The following LCT variants were observed in gnomAD, a reference collection of about 807,000 sequenced individuals.
The protein encoded by LCT is lactase.
A neutral mutation model predicts 173.0 loss-of-function variants in LCT; 90 were observed. That is an observed-to-expected ratio of 0.52 (90% confidence interval 0.44 to 0.62). The LOEUF is 0.62. Ranked by LOEUF, LCT falls within the 20% of genes least tolerant of loss-of-function variation. LCT has a pLI of 0.00. For missense variants in LCT, 1,864 were observed against 2,431.4 expected, an observed-to-expected ratio of 0.77 and a Z score of 4.91; for synonymous variants, 853 against 957.6, an observed-to-expected ratio of 0.89 and a Z score of 2.02.
intron 5 of LCT, chr2:135,821,678 CAG>C (rs1218044765): frequency 3.3e-6 from 1 of 303,488 alleles, no homozygotes; most frequent in Non-Finnish European, 6.2e-6. Flanking sequence ...TTTGTAGAGA[CAG>C]AGTTTCACCA....
At chr2:135,814,843 C>T (rs1050669072) in intron 6 of LCT, among the ~76,000 whole-genome samples, 2 of 152,080 alleles carry the variant, frequency 1.3e-5, no homozygotes, top group Non-Finnish European at 2.9e-5. Flanking sequence ...AAATTTTTTC[C>T]TTAATAGTTG....
At chr2:135,824,446 C>G (rs2105549812) in intron 3 of LCT, among the ~76,000 whole-genome samples, 1 of 152,186 alleles carries the variant, frequency 6.6e-6, no homozygotes, top group Admixed American at 6.5e-5. Flanking sequence ...GAGGCTGAGC[C>G]AGGAGGATCG....
intron 9 of LCT, 27 bp downstream of exon 9, chr2:135,807,101 G>C (rs2077682150): frequency 6.2e-7 from 1 of 1,613,422 alleles, no homozygotes; most frequent in Non-Finnish European, 8.5e-7. Context: ...TGCAGTCACT[G>C]GTGTCCCACC....
intron 3 of LCT, among the ~76,000 whole-genome samples, chr2:135,825,782 G>C (rs1392410665): frequency 6.6e-6 from 1 of 152,216 alleles, no homozygotes; most frequent in Admixed American, 6.5e-5. Context: ...GTGGGAATGG[G>C]GGCAGGTGCC....
intron 3 of LCT, among the ~76,000 whole-genome samples, chr2:135,825,597 TG>T (rs200245001): frequency 0.017 from 2,597 of 152,306 alleles, 65 homozygotes; most frequent in African/African-American, 0.059. Context: ...GATAAGTGGA[TG>T]GGGGACCTCC....
chr2:135,823,735 C>T (rs565819814), intron 4 of LCT, among the ~76,000 whole-genome samples, 166 bp downstream of exon 4: 185 of 152,242 alleles, frequency 1.2e-3, no homozygotes, highest in African/African-American at 4.1e-3. Context: ...TGCAAGGGAC[C>T]ATCAGTAGGA....
chr2:135,810,129 G>A (rs2077722627), intron 7 of LCT, 136 bp from the exon 8 acceptor site: 2 of 666,256 alleles, frequency 3.0e-6, no homozygotes, highest in Non-Finnish European at 5.4e-6. Context: ...ACTGACTACA[G>A]GAGTGAGCTA....
chr2:135,790,912 T>G lies in LCT; in HGVS notation c.5112-31A>C. 1 of 1,539,000 alleles carries G rather than the reference T, an allele frequency of 6.5e-7. No homozygotes were observed. Among genetic ancestry groups the G allele is most frequent in the Non-Finnish European group, 9.0e-7 (1 of 1,111,558 alleles). On this transcript the variant is annotated intron_variant, in intron 14 of 16. Transcript: ENST00000264162. The surrounding 1 kb of genome is among the most constrained non-coding windows in gnomAD (Gnocchi z 4.1). ...AGTTCAAAAACTAAAGATGAGGTCTTGTTTTGTAAATCTCAAGAGGCCCTT... is the reference window on the plus strand; with the variant it reads ...AGTTCAAAAACTAAAGATGAGGTCTGGTTTTGTAAATCTCAAGAGGCCCTT...
intron 11 of LCT, 70 bp downstream of exon 11, chr2:135,803,860 T>C: frequency 7.0e-7 from 1 of 1,431,674 alleles, no homozygotes; most frequent in Non-Finnish European, 9.7e-7. Flanking sequence ...CTGTGCCATC[T>C]GGATTTCAAC....
At position 135,836,474 on chromosome 2, in the gene LCT, G is replaced by C. The variant is rs561274075; in HGVS notation, c.640+56C>G. The stretch of plus-strand genomic sequence containing the variant: ...GTCGAATCTGCTCTAAGGAGGATGG[G>C]GAAGGTGTGTGATGAAGGTTGCCGA... On this transcript the variant is annotated intron_variant, in intron 1 of 16. Coordinates refer to ENST00000264162, the MANE Select transcript of LCT (RefSeq NM_002299.4). The C allele has an allele frequency of 8.6e-5, 130 of 1,506,794 alleles. 1 individual carries two copies. The East Asian group carries it at 2.8e-3, about 33-fold the overall frequency. 93.3% of individuals were successfully genotyped at this position (1,506,794 alleles called of 1,614,324 possible).
chr2:135,816,871 AT>A (rs34890037), intron 6 of LCT, among the ~76,000 whole-genome samples: 71,784 of 146,960 alleles, frequency 0.49, 22,043 homozygotes, highest in Non-Finnish European at 0.71. Context: ...GTGATTAACA[AT>A]TTTTTTTTTT....
rs777192391 is a variant in LCT, at chr2:135,788,517, C to G, written c.5591G>C (p.Arg1864Thr). ...CCCCAGGAACTGCACCTCCTCCTGT[C>G]TCACGGGGCTGATGGTGGGTCCAGC... Reference protein sequence around the residue: ...PDAGPTISPVRQEEVQFLGLM... With the variant: ...PDAGPTISPVTQEEVQFLGLM... The change falls in exon 17 of 17, where the codon AGA becomes ACA. Residue 1864 changes from arginine to threonine, a missense_variant. Physicochemically the swap from Arg to Thr is moderately conservative, Grantham distance 71. Coordinates refer to ENST00000264162, the MANE Select transcript of LCT (RefSeq NM_002299.4). The G allele has an allele frequency of 1.2e-6, 2 of 1,612,016 alleles. No individual in the cohort carries two copies. The highest frequency in any genetic ancestry group is 1.7e-6 in the Non-Finnish European group (2 of 1,179,508).
intron 5 of LCT, chr2:135,821,813 A>G: frequency 3.5e-6 from 2 of 569,844 alleles, no homozygotes; most frequent in Non-Finnish European, 3.1e-6. Context: ...GAACTGACAG[A>G]TGAGAAAGCA....
At chr2:135,812,252 T>C in intron 7 of LCT, 59 bp downstream of exon 7, 1 of 1,440,462 alleles carries the variant, frequency 6.9e-7, no homozygotes, top group Non-Finnish European at 9.8e-7. Flanking sequence ...AAACGAAACT[T>C]TGAAGACTTG....
chr2:135,810,449 C>T (rs925610842), intron 7 of LCT, among the ~76,000 whole-genome samples: 3 of 152,100 alleles, frequency 2.0e-5, no homozygotes, highest in Non-Finnish European at 2.9e-5. Context: ...AAAGGAAAAT[C>T]CACAAGATCC....
At chr2:135,813,833 C>T (rs181828045) in intron 6 of LCT, among the ~76,000 whole-genome samples, 28 of 152,298 alleles carry the variant, frequency 1.8e-4, no homozygotes, top group Non-Finnish European at 2.8e-4. Context: ...AATGGAATCT[C>T]GGAAGAAAAA....
At chr2:135,788,575 C>T (rs370070779) in intron 16 of LCT, 31 bp from the exon 17 acceptor site, 96 of 1,386,772 alleles carry the variant, frequency 6.9e-5, no homozygotes, top group Non-Finnish European at 5.8e-5. Flanking sequence ...GTGGTTGGTG[C>T]TCTGGCGCTG....
At chr2:135,821,954 T>G (rs2077836610) in intron 5 of LCT, 66 bp downstream of exon 5, 19 of 958,924 alleles carry the variant, frequency 2.0e-5, no homozygotes, top group Non-Finnish European at 3.3e-5. Context: ...AGATTATACA[T>G]GTAAAAGAAA....
Position 135,800,714 on chromosome 2 carries a change from G to T in LCT, c.4759C>A (p.Arg1587Ser). Residue 1587 changes from arginine (R) to serine (S), a missense_variant, in exon 12 of 17, where the codon CGC becomes AGC. Around this residue, in one of 4 missense-constraint regions of LCT, gnomAD observed 514 missense variants for 750.1 expected, o/e 0.69. Coordinates refer to ENST00000264162, the MANE Select transcript of LCT (RefSeq NM_002299.4). The part of the protein sequence containing the change: ...EAWHLYNDVY[R>S]ASQGGVISIT... ...GAAATCACGCCACCTTGACTGGCGCGGTACACATCGTTGTACAGATGCCAG... is the reference window on the plus strand; with the variant it reads ...GAAATCACGCCACCTTGACTGGCGCTGTACACATCGTTGTACAGATGCCAG... 6.2e-7 allele frequency: 1 copy of T among 1,613,992 alleles called. No homozygotes were observed. Among genetic ancestry groups the T allele is most frequent in the Non-Finnish European group, 8.5e-7 (1 of 1,179,952 alleles).
Sources: allele counts gnomAD v4.1 joint callset (sites outside exome capture counted in the v4.1 genomes callset), GRCh38; gene constraint gnomAD v4.1.1; regional missense constraint gnomAD v4.1.1; non-coding constraint Gnocchi (gnomAD v3.1); transcripts MANE v1.5; gene names NCBI Gene and HGNC (gene_info 2026-07-23, HGNC 2026-07-21).